Variants in ERBB3 observed in about 807,000 individuals in gnomAD.
The protein encoded by ERBB3 is receptor tyrosine-protein kinase erbB-3.
In ERBB3, 96 loss-of-function variants were observed where a neutral mutation model predicts 156.7. That is an observed-to-expected ratio of 0.61 (90% CI 0.52 to 0.73). ERBB3 has a LOEUF of 0.73. Ranked by LOEUF, ERBB3 falls within the 30% of genes least tolerant of loss-of-function variation. The pLI is 0.00. For synonymous variants in ERBB3, 567 were observed against 632.0 expected, an observed-to-expected ratio of 0.90 and a Z score of 1.54; for missense variants, 1,406 against 1,709.4, an observed-to-expected ratio of 0.82 and a Z score of 3.13.
At chr12:56,082,108 T>G (rs1030033118) in intron 1 of ERBB3, among the ~76,000 whole-genome samples, 4 of 152,150 alleles carry the variant, frequency 2.6e-5, no homozygotes, top group Admixed American at 2.6e-4. Context: ...ACACAAAGTC[T>G]GCACAAACAC....
At position 56,092,804 on chromosome 12, in the gene ERBB3, A is replaced by C. The variant is rs1222988279; in HGVS notation, c.1167A>C (p.Thr389=). 6.2e-7 allele frequency: 1 copy of C among 1,614,104 alleles called. No individual in the cohort carries two copies. Among genetic ancestry groups the C allele is most frequent in the Non-Finnish European group, 8.5e-7 (1 of 1,179,926 alleles). The change falls in exon 10 of 28, where the codon ACA becomes ACC. Residue 389 remains threonine, a synonymous_variant. Coordinates refer to ENST00000267101, the MANE Select transcript of ERBB3 (RefSeq NM_001982.4). ...LDPEKLNVFR[T]VREITGYLNI... ...CAGAGAAGCTCAATGTCTTCCGGAC[A>C]GTACGGGAGATCACAGGTGAGTGGC...
At chr12:56,100,424 C>T in intron 26 of ERBB3, 179 bp downstream of exon 26, 1 of 649,044 alleles carries the variant, frequency 1.5e-6, no homozygotes, top group Non-Finnish European at 2.8e-6. Context: ...AGTGGATCAC[C>T]TGAGGTTAGG....
chr12:56,098,411 CAAAA>C (rs375692480), intron 21 of ERBB3, 85 bp from the exon 22 acceptor site: 304 of 814,896 alleles, frequency 3.7e-4, no homozygotes, highest in Non-Finnish European at 4.2e-4. Context: ...GACTCCGTCT[CAAAA>C]AAAAAAAAAA....
At chr12:56,091,913 T>C (rs1286975894) in intron 9 of ERBB3, among the ~76,000 whole-genome samples, 1 of 152,096 alleles carries the variant, frequency 6.6e-6, no homozygotes, top group Non-Finnish European at 1.5e-5. Context: ...CATTCTACTG[T>C]TAGGAAGAGT....
chr12:56,087,753 G>C (rs1868534539), intron 5 of ERBB3, 42 bp from the exon 6 acceptor site: 1 of 1,596,860 alleles, frequency 6.3e-7, no homozygotes. Context: ...TCAGAATTCA[G>C]TCCTAGGAGC....
rs750109086 is a variant in ERBB3 at position 56,098,797 on chromosome 12, C to A, written c.2731C>A (p.Pro911Thr). ...GGAGTTGATGACCTTCGGGGCAGAG[C>A]CCTATGCAGGGCTACGATTGGCTGA... ...VWELMTFGAE[P>T]YAGLRLAEVP... The change falls in exon 23 of 28, where the codon CCC (proline) becomes ACC (threonine). Residue 911 changes from proline (P) to threonine (T), a missense_variant. Around this residue, in one of 3 missense-constraint regions of ERBB3, gnomAD observed 979 missense variants for 1,219.6 expected, o/e 0.80. Transcript: ENST00000267101. 6.2e-7 allele frequency: 1 copy of A among 1,614,086 alleles called. No homozygotes were observed. Among genetic ancestry groups the A allele is most frequent in the East Asian group, 2.2e-5 (1 of 44,890 alleles).
intron 3 of ERBB3, among the ~76,000 whole-genome samples, chr12:56,086,297 T>A (rs1245128154): frequency 6.6e-6 from 1 of 152,002 alleles, no homozygotes. Flanking sequence ...TCCCTTCCCC[T>A]CCCCCACTAG....
rs1445615021 is a variant in ERBB3, at chr12:56,083,912, C to T, written c.234+10C>T. On this transcript the variant is annotated intron_variant, in intron 2 of 27. Transcript: ENST00000267101. The stretch of plus-strand genomic sequence containing the variant: ...CCTCTCCTTCCTGCAGGTTAGTGAG[C>T]CCACCCTCCTTCCTCAACCTGCTCC... 1.9e-6 allele frequency: 3 copies of T among 1,613,292 alleles called. No homozygotes were observed. The highest frequency in any genetic ancestry group is 1.7e-6 in the Non-Finnish European group (2 of 1,179,362).
chr12:56,087,480 G>A, intron 4 of ERBB3, 97 bp from the exon 5 acceptor site: 1 of 1,063,388 alleles, frequency 9.4e-7, no homozygotes, highest in Non-Finnish European at 1.5e-6. Flanking sequence ...TTGCTTCCCG[G>A]GATTGAGGTG....
chr12:56,100,677 C>G (rs1427998198), intron 26 of ERBB3, among the ~76,000 whole-genome samples: 1 of 146,806 alleles, frequency 6.8e-6, no homozygotes, highest in Non-Finnish European at 1.5e-5. Context: ...TGCGGTGGCT[C>G]ACGCCTGTAA....
At chr12:56,094,302 CT>C (rs1868821786) in intron 14 of ERBB3, 99 bp from the exon 15 acceptor site, 2 of 1,492,494 alleles carry the variant, frequency 1.3e-6, no homozygotes, top group Non-Finnish European at 1.9e-6. Context: ...ATGCTAGGGC[CT>C]GCAGATAGAA....
At chr12:56,100,331 C>A in intron 26 of ERBB3, 86 bp downstream of exon 26, 1 of 1,135,842 alleles carries the variant, frequency 8.8e-7, no homozygotes, top group Non-Finnish European at 1.3e-6. Flanking sequence ...GAGGTTTAAT[C>A]AGTGTCCTGC....
rs1184769333 is a variant in ERBB3, at chr12:56,099,730, G to A, written c.2922G>A (p.Arg974=). The A allele has an allele frequency of 6.2e-7, 1 of 1,614,104 alleles. No individual in the cohort carries two copies. The highest frequency in any genetic ancestry group is 8.5e-7 in the Non-Finnish European group (1 of 1,179,940). ...CCAGGATGGCCCGAGACCCACCACG[G>A]TATCTGGTCATAAAGGTGAGTAGGG... ...EFTRMARDPP[R]YLVIKRESGP... Residue 974 remains arginine (R), a synonymous_variant, in exon 24 of 28, where the codon CGG becomes CGA. Coordinates refer to ENST00000267101, the MANE Select transcript of ERBB3 (RefSeq NM_001982.4).
intron 17 of ERBB3, 170 bp from the exon 18 acceptor site, chr12:56,096,333 G>C: frequency 1.3e-6 from 1 of 772,504 alleles, no homozygotes. Context: ...AACTTCCTCA[G>C]TTCTCAGGGT....
intron 17 of ERBB3, 96 bp downstream of exon 17, chr12:56,095,902 A>AG (rs1460883210): frequency 1.0e-5 from 14 of 1,337,568 alleles, no homozygotes; most frequent in Admixed American, 1.7e-5. Context: ...CTGTGCACCC[A>AG]GGGGTCAGTG....
At chr12:56,098,970 T>C (rs987817217) in intron 23 of ERBB3, 65 bp downstream of exon 23, 22 of 1,410,122 alleles carry the variant, frequency 1.6e-5, no homozygotes, top group Non-Finnish European at 1.9e-5. Flanking sequence ...TTTTTTTTTT[T>C]TGAGACAGAG....
At chr12:56,096,387 C>A (rs1194643443) in intron 17 of ERBB3, 116 bp from the exon 18 acceptor site, 7 of 1,296,854 alleles carry the variant, frequency 5.4e-6, no homozygotes, top group Non-Finnish European at 7.8e-6. Flanking sequence ...ACTAACGGTG[C>A]TTCCTCTTCC....
intron 7 of ERBB3, 126 bp downstream of exon 7, chr12:56,088,288 C>A: frequency 9.4e-7 from 1 of 1,062,016 alleles, no homozygotes; most frequent in Non-Finnish European, 1.4e-6. Context: ...TTATGATCAT[C>A]TAACCACTCC....
Position 56,085,148 on chromosome 12 carries a change from G to A in ERBB3, c.388G>A (p.Ala130Thr), listed in dbSNP as rs1227791872. 2.5e-6 allele frequency: 4 copies of A among 1,613,964 alleles called. No individual in the cohort carries two copies. The highest frequency in any genetic ancestry group is 1.3e-5 in the African/African-American group (1 of 74,898). The change falls in exon 3 of 28, where the codon GCT (alanine) becomes ACT (threonine). Residue 130 changes from alanine to threonine, a missense_variant. Around this residue, in one of 3 missense-constraint regions of ERBB3, gnomAD observed 979 missense variants for 1,219.6 expected, o/e 0.80. Transcript: ENST00000267101. Reference sequence around the variant, plus strand: ...GAACTATAACACCAACTCCAGCCACGCTCTGCGCCAGCTCCGCTTGACTCA... The same window carrying A: ...GAACTATAACACCAACTCCAGCCACACTCTGCGCCAGCTCCGCTTGACTCA... Reference protein sequence around the residue: ...MLNYNTNSSHALRQLRLTQLT... With the variant: ...MLNYNTNSSHTLRQLRLTQLT...
Sources: allele counts gnomAD v4.1 joint callset (sites outside exome capture counted in the v4.1 genomes callset), GRCh38; gene constraint gnomAD v4.1.1; regional missense constraint gnomAD v4.1.1; transcripts MANE v1.5; gene names NCBI Gene and HGNC (gene_info 2026-07-23, HGNC 2026-07-21).